ST3GAL1: variants seen among roughly 807,000 people sequenced by gnomAD.
ST3GAL1 encodes CMP-N-acetylneuraminate-beta-galactosamide-alpha-2,3-sialyltransferase 1.
ST3GAL1 carries 16 observed loss-of-function variants against 34.1 expected under a neutral mutation model. The ratio of observed to expected loss-of-function variants is 0.47; its 90% CI spans 0.32 to 0.71. The LOEUF (loss-of-function observed/expected upper bound fraction) is 0.71, where lower values mean the gene tolerates loss of function less well. Ranked by LOEUF, ST3GAL1 falls within the 30% of genes least tolerant of loss-of-function variation. The pLI, the probability that ST3GAL1 is intolerant of heterozygous loss-of-function variation, is 0.04. For missense variants in ST3GAL1, 353 were observed against 447.4 expected (o/e 0.79, Z 1.90); for synonymous variants, 191 against 184.7 (o/e 1.03, Z -0.28).
chr8:133,494,006 G>T (rs1378335660), intron 3 of ST3GAL1, among the ~76,000 whole-genome samples: 1 of 152,160 alleles, frequency 6.6e-6, no homozygotes, highest in Admixed American at 6.5e-5. Flanking sequence ...TTGCAAGCAT[G>T]TCTGAGTGTG....
rs138029507 is a variant in ST3GAL1 at position 133,459,346 on chromosome 8, G to A, written c.*418C>T. 2.6e-4 allele frequency: 41 copies of A among 157,826 alleles called. No individual in the cohort carries two copies. In the East Asian group the frequency reaches 6.7e-3, roughly 26 times the overall value. The allele number at this position is 157,826 out of a possible 1,614,324, so 9.8% of individuals were successfully genotyped here. A position where few individuals can be genotyped will look rare whatever the true frequency, so the allele number is the denominator to read the frequency against. On this transcript the variant is annotated 3_prime_UTR_variant, in exon 10 of 10. Coordinates refer to ENST00000522652, the MANE Select transcript of ST3GAL1 (RefSeq NM_173344.3). This position sits in a 1 kb window ranked among gnomAD's most constrained non-coding sequence, Gnocchi z 4.7. ...CCCGAGCGCCAACACCGCCTGGCAC[G>A]TCTCTGTGCTGGAGGTAATCGCCAC...
At chr8:133,540,880 G>GACACATATAT (rs1563734127) in intron 2 of ST3GAL1, among the ~76,000 whole-genome samples, 1 of 45,048 alleles carries the variant, frequency 2.2e-5, no homozygotes, top group Non-Finnish European at 3.9e-5. Context: ...CATATATATA[G>GACACATATAT]AGACATATAT....
rs767600478 is a variant in ST3GAL1, at chr8:133,469,972, A to AG, written c.307-3883dup. ...CCAGAGTGAGTGCAGGGCCAGGTAG[A>AG]GCTCAGATGGGAAACTGGCTCTTTC... On this transcript the variant is annotated intron_variant, in intron 5 of 9. Coordinates refer to ENST00000522652, the MANE Select transcript of ST3GAL1 (RefSeq NM_173344.3). This position sits in a 1 kb window ranked among gnomAD's most constrained non-coding sequence, Gnocchi z 4.3. Among the ~76,000 whole-genome samples the AG allele has an allele frequency of 6.6e-6, 1 of 152,206 alleles. No individual in the cohort carries two copies. The highest frequency in any genetic ancestry group is 1.5e-5 in the Non-Finnish European group (1 of 68,032).
At chr8:133,482,072 G>A (rs755942695) in intron 3 of ST3GAL1, among the ~76,000 whole-genome samples, 16 of 151,996 alleles carry the variant, frequency 1.1e-4, no homozygotes, top group African/African-American at 2.4e-4. Context: ...CTCTCTGCTC[G>A]TCCTCTGAAC....
intron 5 of ST3GAL1, among the ~76,000 whole-genome samples, chr8:133,473,348 T>C (rs1408071420): frequency 6.6e-6 from 1 of 152,204 alleles, no homozygotes. Context: ...GAGTTTCAGT[T>C]TCCTTGTCTG....
rs1815378741 is a variant in ST3GAL1, at chr8:133,458,414, A to G, written c.*1350T>C. The G allele has an allele frequency of 6.6e-6, 1 of 152,062 alleles. No homozygotes were observed. The highest frequency in any genetic ancestry group is 1.5e-5 in the Non-Finnish European group (1 of 68,054). The allele number at this position is 152,062 out of a possible 1,614,324, so 9.4% of individuals were successfully genotyped here. A position where few individuals can be genotyped will look rare whatever the true frequency, so the allele number is the denominator to read the frequency against. ...ACCATTCCTGGGATGTCCTTGACCC[A>G]GACCCCCAGTGACAGCCCCAAGATG... On this transcript the variant is annotated 3_prime_UTR_variant, in exon 10 of 10. Transcript: ENST00000522652.
At chr8:133,525,670 T>C (rs887605081) in intron 2 of ST3GAL1, among the ~76,000 whole-genome samples, 3 of 152,076 alleles carry the variant, frequency 2.0e-5, no homozygotes, top group African/African-American at 7.2e-5. Flanking sequence ...TTGGCTTCCC[T>C]CCTGTGCCTG....
rs1364549279 is a variant in ST3GAL1, at chr8:133,457,331, T to C, written c.*2433A>G. Reference sequence around the variant, plus strand: ...TCTTACACAGCAAAACCCAGAGAAGTCGACTGCTCAGCCTGAGCCTGTCAT... The same window carrying C: ...TCTTACACAGCAAAACCCAGAGAAGCCGACTGCTCAGCCTGAGCCTGTCAT... On this transcript the variant is annotated 3_prime_UTR_variant, in exon 10 of 10. Coordinates refer to ENST00000522652, the MANE Select transcript of ST3GAL1 (RefSeq NM_173344.3). 6.6e-6 allele frequency: 1 copy of C among 152,170 alleles called. No individual in the cohort carries two copies. The highest frequency in any genetic ancestry group is 1.5e-5 in the Non-Finnish European group (1 of 68,062). The allele number at this position is 152,170 out of a possible 1,614,324, so 9.4% of individuals were successfully genotyped here. A position where few individuals can be genotyped will look rare whatever the true frequency, so the allele number is the denominator to read the frequency against.
At chr8:133,499,848 C>G (rs970273504) in intron 2 of ST3GAL1, among the ~76,000 whole-genome samples, 1 of 152,172 alleles carries the variant, frequency 6.6e-6, no homozygotes, top group African/African-American at 2.4e-5. Context: ...TTCTCACCCA[C>G]CCCCATCCCC....
chr8:133,469,037 C>G lies in ST3GAL1; in HGVS notation c.307-2947G>C, dbSNP rs1815849570. On this transcript the variant is annotated intron_variant, in intron 5 of 9. Coordinates refer to ENST00000522652, the MANE Select transcript of ST3GAL1 (RefSeq NM_173344.3). This position sits in a 1 kb window ranked among gnomAD's most constrained non-coding sequence, Gnocchi z 4.3. ...GCACCGTGTATCCATCATGCAGTGA[C>G]ATTTACTGAGTGTCTACTGGGTGCC... Among the ~76,000 whole-genome samples, 1 of 152,184 alleles carries G rather than the reference C, an allele frequency of 6.6e-6. No homozygotes were observed. The highest frequency in any genetic ancestry group is 6.5e-5 in the Admixed American group (1 of 15,278).
chr8:133,528,718 C>A (rs1818049123), intron 2 of ST3GAL1, among the ~76,000 whole-genome samples: 1 of 152,182 alleles, frequency 6.6e-6, no homozygotes. Flanking sequence ...ATGATTTGGC[C>A]CACAAAACCT....
intron 2 of ST3GAL1, among the ~76,000 whole-genome samples, chr8:133,536,219 G>A (rs574165173): frequency 6.6e-6 from 1 of 152,290 alleles, no homozygotes; most frequent in East Asian, 1.9e-4. Flanking sequence ...CACACATGAG[G>A]CTGGGGGTCT....
chr8:133,518,676 T>G (rs538092763), intron 2 of ST3GAL1, among the ~76,000 whole-genome samples: 2 of 152,188 alleles, frequency 1.3e-5, no homozygotes, highest in East Asian at 3.9e-4. Context: ...CAGGTAAACA[T>G]AGTGACAAGC....
chr8:133,522,573 C>T (rs763128898), intron 2 of ST3GAL1, among the ~76,000 whole-genome samples: 1 of 152,140 alleles, frequency 6.6e-6, no homozygotes, highest in Non-Finnish European at 1.5e-5. Flanking sequence ...AGTACTTTAC[C>T]CTGTACCCCA....
At chr8:133,489,052 C>A (rs1816704078) in intron 3 of ST3GAL1, among the ~76,000 whole-genome samples, 1 of 152,134 alleles carries the variant, frequency 6.6e-6, no homozygotes, top group East Asian at 1.9e-4. Flanking sequence ...ATGACCCCAT[C>A]CACACATTAG....
rs532943435 is a variant in ST3GAL1 at position 133,457,133 on chromosome 8, A to G, written c.*2631T>C. 1.3e-5 allele frequency: 2 copies of G among 152,228 alleles called. No homozygotes were observed. Among genetic ancestry groups the G allele is most frequent in the Non-Finnish European group, 2.9e-5 (2 of 68,068 alleles). 9.4% of individuals were successfully genotyped at this position (152,228 alleles called of 1,614,324 possible). On this transcript the variant is annotated 3_prime_UTR_variant, in exon 10 of 10. Transcript: ENST00000522652. ...ACGCTCCACTCCCCACCCAGCTGCA[A>G]TGTGGCCTTGATTTTCTCATCAGTA...
At chr8:133,535,695 C>A (rs1371599116) in intron 2 of ST3GAL1, among the ~76,000 whole-genome samples, 2 of 152,058 alleles carry the variant, frequency 1.3e-5, no homozygotes, top group Non-Finnish European at 2.9e-5. Flanking sequence ...CGCTATGTTG[C>A]CCAAGCTGGT....
Position 133,466,122 on chromosome 8 carries a change from G to A in ST3GAL1, c.307-32C>T. ...GCGGAGGACAGAAGGTGGTCAACCT[G>A]GCTTTGTGGCTCCAGCCTCCTGGCA... is the stretch of plus-strand genomic sequence containing the variant. On this transcript the variant is annotated intron_variant, in intron 5 of 9. Coordinates refer to ENST00000522652, the MANE Select transcript of ST3GAL1 (RefSeq NM_173344.3). The surrounding 1 kb of genome is among the most constrained non-coding windows in gnomAD (Gnocchi z 4.4). The A allele has an allele frequency of 6.3e-7, 1 of 1,581,312 alleles. No homozygotes were observed. Among genetic ancestry groups the A allele is most frequent in the Non-Finnish European group, 8.6e-7 (1 of 1,159,750 alleles).
rs1819047387 is a variant in ST3GAL1 at position 133,556,882 on chromosome 8, G to A, written c.-581-10956C>T. On this transcript the variant is annotated intron_variant, in intron 1 of 9. Coordinates refer to ENST00000522652, the MANE Select transcript of ST3GAL1 (RefSeq NM_173344.3). The surrounding 1 kb of genome is among the most constrained non-coding windows in gnomAD (Gnocchi z 8.9). ...ACTAAGTGGAGGGAAGTGGGAGGGAGGTTGGCAGCGGTGCTATTAATGCAG... is the reference window on the plus strand; with the variant it reads ...ACTAAGTGGAGGGAAGTGGGAGGGAAGTTGGCAGCGGTGCTATTAATGCAG... 6.6e-6 allele frequency among the ~76,000 whole-genome samples: 1 copy of A among 152,160 alleles called. No homozygotes were observed. Among genetic ancestry groups the A allele is most frequent in the Admixed American group, 6.5e-5 (1 of 15,274 alleles).
Sources: gnomAD v4.1 joint callset for allele counts (sites outside exome capture counted in the v4.1 genomes callset) on GRCh38, gnomAD v4.1.1 for gene constraint, Gnocchi (gnomAD v3.1) non-coding constraint, MANE v1.5 for transcripts, NCBI Gene and HGNC (gene_info 2026-07-23, HGNC 2026-07-21) for gene names.